Variants in CRNKL1 observed in about 807,000 individuals in gnomAD.
The protein encoded by CRNKL1 is crooked neck-like protein 1.
In CRNKL1, 35 loss-of-function variants were observed where a neutral mutation model predicts 103.7. The observed-to-expected ratio is 0.34, with a 90% CI of 0.26 to 0.45. CRNKL1 has a LOEUF of 0.45. Among genes scored for constraint, CRNKL1 ranks in the 20% least tolerant of loss-of-function variants. The probability of loss-of-function intolerance (pLI) is 1.00; values close to 1 mark genes in which losing one functional copy is unlikely to be tolerated. For synonymous variants in CRNKL1, 267 were observed against 282.6 expected, an observed-to-expected ratio of 0.94 and a Z score of 0.55; for missense variants, 645 against 836.0, an observed-to-expected ratio of 0.77 and a Z score of 2.82.
rs2043404917 is a variant in CRNKL1 at position 20,035,458 on chromosome 20, G to GAAATTATTAGACTAAATTCTTAGTAAACA, written c.*736_*737insTGTTTACTAAGAATTTAGTCTAATAATTT. On this transcript the variant is annotated 3_prime_UTR_variant, in exon 14 of 14. Transcript: ENST00000536226. ...ACAAACTCAACCACTCTGGAGAACTGATGAGCGCCTAACTGAAATTATTAG... is the reference window on the plus strand; with the variant it reads ...ACAAACTCAACCACTCTGGAGAACTGAAATTATTAGACTAAATTCTTAGTAAACAATGAGCGCCTAACTGAAATTATTAG... 1 of 152,194 alleles carries GAAATTATTAGACTAAATTCTTAGTAAACA rather than the reference G, an allele frequency of 6.6e-6. No individual in the cohort carries two copies. Among genetic ancestry groups the GAAATTATTAGACTAAATTCTTAGTAAACA allele is most frequent in the Non-Finnish European group, 1.5e-5 (1 of 68,036 alleles). 9.4% of individuals were successfully genotyped at this position (152,194 alleles called of 1,614,324 possible). A position where few individuals can be genotyped will look rare whatever the true frequency, so the allele number is the denominator to read the frequency against.
chr20:20,043,457 T>A (rs745820420), intron 7 of CRNKL1, 35 bp downstream of exon 7: 30 of 1,596,724 alleles, frequency 1.9e-5, no homozygotes, highest in Non-Finnish European at 1.4e-5. Context: ...CATCTTGGGT[T>A]ATCTGCAGAG....
intron 12 of CRNKL1, 119 bp downstream of exon 12, chr20:20,038,230 G>T: frequency 1.6e-6 from 1 of 618,366 alleles, no homozygotes; most frequent in South Asian, 2.1e-5. Context: ...GAAAAGCAAG[G>T]AAGTCATTAA....
At chr20:20,045,239 A>G in intron 6 of CRNKL1, 69 bp downstream of exon 6, 1 of 1,310,780 alleles carries the variant, frequency 7.6e-7, no homozygotes, top group Non-Finnish European at 1.0e-6. Context: ...AATGGAAATG[A>G]ACTCACCATG....
intron 1 of CRNKL1, 67 bp downstream of exon 1, chr20:20,052,225 C>T: frequency 2.9e-6 from 4 of 1,376,204 alleles, no homozygotes; most frequent in South Asian, 2.6e-5. Context: ...CCAACCCGGG[C>T]ACCCTCAGGG....
intron 4 of CRNKL1, 129 bp from the exon 5 acceptor site, chr20:20,048,060 GA>G: frequency 8.4e-7 from 1 of 1,196,860 alleles, no homozygotes. Flanking sequence ...ATGTAAATCT[GA>G]AAAAGGATGA....
At chr20:20,048,302 G>A (rs2043626985) in intron 4 of CRNKL1, 41 bp downstream of exon 4, 1 of 1,602,582 alleles carries the variant, frequency 6.2e-7, no homozygotes, top group Non-Finnish European at 8.5e-7. Context: ...GTGGAACTTT[G>A]CTAGTCTATA....
intron 13 of CRNKL1, among the ~76,000 whole-genome samples, chr20:20,036,715 CATT>C (rs2146479646): frequency 1.3e-5 from 2 of 152,348 alleles, no homozygotes; most frequent in South Asian, 4.1e-4. Flanking sequence ...TACATCTGTG[CATT>C]ATTATTCCAA....
At chr20:20,047,687 A>G in intron 5 of CRNKL1, 78 bp downstream of exon 5, 1 of 1,442,464 alleles carries the variant, frequency 6.9e-7, no homozygotes, top group South Asian at 1.3e-5. Context: ...GTGTGTCCTG[A>G]TCATGAGACA....
At chr20:20,036,917 AT>A (rs1216762033) in intron 13 of CRNKL1, among the ~76,000 whole-genome samples, 1 of 152,142 alleles carries the variant, frequency 6.6e-6, no homozygotes, top group African/African-American at 2.4e-5. Context: ...GAGGCTAGCA[AT>A]CTGGTCACGT....
Position 20,041,547 on chromosome 20 carries a change from C to T in CRNKL1, c.1224+19G>A, listed in dbSNP as rs1292997639. On this transcript the variant is annotated intron_variant, in intron 9 of 13. Coordinates refer to ENST00000536226, the MANE Select transcript of CRNKL1 (RefSeq NM_001278628.2). ...GGATTCTGACCTGTTTGAAATGGAA[C>T]ACTTTAGAGCAAACATACCTTTTTG... The T allele has an allele frequency of 6.3e-7, 1 of 1,594,068 alleles. No individual in the cohort carries two copies. Among genetic ancestry groups the T allele is most frequent in the African/African-American group, 1.3e-5 (1 of 74,540 alleles).
upstream of CRNKL1, among the ~76,000 whole-genome samples, chr20:20,054,195 C>A (rs1189909274): frequency 1.3e-5 from 2 of 151,764 alleles, no homozygotes; most frequent in African/African-American, 2.4e-5. Context: ...CTACAAGATT[C>A]TTTGAATTCT....
intron 6 of CRNKL1, 36 bp from the exon 7 acceptor site, chr20:20,043,698 A>T: frequency 6.3e-7 from 1 of 1,583,852 alleles, no homozygotes; most frequent in Non-Finnish European, 8.7e-7. Flanking sequence ...TCTATAACAC[A>T]ATATTCTCAT....
At position 20,037,201 on chromosome 20, in the gene CRNKL1, C is replaced by T. The variant is rs113972409; in HGVS notation, c.1896+122G>A. 384 of 1,174,614 alleles carry T rather than the reference C, an allele frequency of 3.3e-4. No individual in the cohort carries two copies. In the African/African-American group the frequency reaches 4.8e-3, roughly 15 times the overall value. The allele number at this position is 1,174,614 out of a possible 1,614,324, so 72.8% of individuals were successfully genotyped here. A position where few individuals can be genotyped will look rare whatever the true frequency, so the allele number is the denominator to read the frequency against. Reference sequence around the variant, plus strand: ...ACAGCCAGATTGCAACCATCTCCTACTCCAGGTGGTCTGCTTCCATTCTAA... The same window carrying T: ...ACAGCCAGATTGCAACCATCTCCTATTCCAGGTGGTCTGCTTCCATTCTAA... On this transcript the variant is annotated intron_variant, in intron 13 of 13. Coordinates refer to ENST00000536226, the MANE Select transcript of CRNKL1 (RefSeq NM_001278628.2).
upstream of CRNKL1, among the ~76,000 whole-genome samples, chr20:20,053,233 AT>A (rs577093729): frequency 4.4e-4 from 65 of 149,282 alleles, no homozygotes; most frequent in African/African-American, 1.4e-3. Flanking sequence ...GGTTAAGAGA[AT>A]TTTTTTTAAT....
chr20:20,050,187 CCTT>C (rs1375519610), intron 2 of CRNKL1, among the ~76,000 whole-genome samples: 1 of 152,230 alleles, frequency 6.6e-6, no homozygotes, highest in Non-Finnish European at 1.5e-5. Context: ...AGCATACCCT[CCTT>C]CTTGTTGTCA....
chr20:20,042,392 T>A lies in CRNKL1; in HGVS notation c.1097A>T (p.Lys366Met), dbSNP rs370539789. 2 of 1,614,072 alleles carry A rather than the reference T, an allele frequency of 1.2e-6. No individual in the cohort carries two copies. Among genetic ancestry groups the A allele is most frequent in the Non-Finnish European group, 1.7e-6 (2 of 1,180,034 alleles). The part of the protein sequence containing the change: ...AIANVPPIQE[K>M]RHWKRYIYLW... ...ATAAATGTAGCGCTTCCAGTGCCTC[T>A]TCTCCTGAATGGGTGGGACATTGGC... The change falls in exon 8 of 14, where the codon AAG becomes ATG. Residue 366 changes from lysine to methionine, a missense_variant. Lys to Met is a moderately conservative substitution (Grantham distance 95). Transcript: ENST00000536226.
Position 20,038,509 on chromosome 20 carries a change from C to A in CRNKL1, c.1546-59G>T. 10 of 922,474 alleles carry A rather than the reference C, an allele frequency of 1.1e-5. No individual in the cohort carries two copies. The South Asian group carries it at 1.4e-4, about 13-fold the overall frequency. 57.1% of individuals were successfully genotyped at this position (922,474 alleles called of 1,614,324 possible). Reference sequence around the variant, plus strand: ...ATTTACAAAGCAGCATGCCCCCATCCAAAGCACAGCTGAAGTATCACTCTA... The same window carrying A: ...ATTTACAAAGCAGCATGCCCCCATCAAAAGCACAGCTGAAGTATCACTCTA... On this transcript the variant is annotated intron_variant, in intron 11 of 13. Coordinates refer to ENST00000536226, the MANE Select transcript of CRNKL1 (RefSeq NM_001278628.2).
upstream of CRNKL1, chr20:20,056,001 A>G: frequency 6.2e-7 from 1 of 1,609,466 alleles, no homozygotes; most frequent in Non-Finnish European, 8.5e-7. Context: ...TAGGTTCTCC[A>G]CTGTTGCCGT....
chr20:20,042,788 A>C (rs776473949), intron 7 of CRNKL1, among the ~76,000 whole-genome samples: 23 of 152,232 alleles, frequency 1.5e-4, no homozygotes, highest in Non-Finnish European at 2.2e-4. Flanking sequence ...CAATAATTAG[A>C]TGCCTATTCT....
Sources: gnomAD v4.1 joint callset for allele counts (sites outside exome capture counted in the v4.1 genomes callset) on GRCh38, gnomAD v4.1.1 for gene constraint, MANE v1.5 for transcripts, NCBI Gene and HGNC (gene_info 2026-07-23, HGNC 2026-07-21) for gene names.